The following ATF7IP2 variants were observed in gnomAD, a reference collection of about 807,000 sequenced individuals.
The protein encoded by ATF7IP2 is activating transcription factor 7 interacting protein 2.
A neutral mutation model predicts 64.2 loss-of-function variants in ATF7IP2; 42 were observed. The observed-to-expected ratio is 0.65, with a 90% confidence interval of 0.51 to 0.85. ATF7IP2 has a LOEUF of 0.85. ATF7IP2 is among the 40% of genes least tolerant of loss of function. The pLI, the probability that ATF7IP2 is intolerant of heterozygous loss-of-function variation, is 0.00. For synonymous variants in ATF7IP2, 308 were observed against 272.8 expected (o/e 1.13, Z -1.27); for missense variants, 933 against 784.2 (o/e 1.19, Z -2.27).
chr16:10,417,951 G>A (rs960230093), intron 2 of ATF7IP2, among the ~76,000 whole-genome samples: 21 of 152,284 alleles, frequency 1.4e-4, no homozygotes, highest in African/African-American at 2.4e-5. Flanking sequence ...GGATGTCCAC[G>A]TCGGTCGTGG....
intron 10 of ATF7IP2, among the ~76,000 whole-genome samples, chr16:10,472,902 T>C (rs1224508297): frequency 6.6e-6 from 1 of 151,994 alleles, no homozygotes. Flanking sequence ...CAATGATAAC[T>C]TTTCTCTCTC....
chr16:10,457,616 T>C (rs949874067), intron 9 of ATF7IP2, 87 bp downstream of exon 9: 3 of 987,176 alleles, frequency 3.0e-6, no homozygotes, highest in Middle Eastern at 3.1e-4. Context: ...CTTTGTAATA[T>C]TGATTATTCT....
chr16:10,431,105 G>T lies in ATF7IP2; in HGVS notation c.485G>T (p.Cys162Phe). The T allele has an allele frequency of 6.2e-7, 1 of 1,614,172 alleles. No individual in the cohort carries two copies. Residue 162 changes from cysteine to phenylalanine, a missense_variant, in exon 5 of 14, where the codon TGT becomes TTT. Transcript: ENST00000562102. Reference protein sequence around the residue: ...TRSLFEHEGACSLKSSCCPPS... With the variant: ...TRSLFEHEGAFSLKSSCCPPS... ...TCCCTTTTTGAGCATGAGGGGGCTTGTAGTCTAAAGTCCAGTTGCTGTCCA... is the reference window on the plus strand; with the variant it reads ...TCCCTTTTTGAGCATGAGGGGGCTTTTAGTCTAAAGTCCAGTTGCTGTCCA...
chr16:10,401,361 G>C (rs535003541), intron 1 of ATF7IP2, among the ~76,000 whole-genome samples: 9 of 151,852 alleles, frequency 5.9e-5, no homozygotes, highest in Non-Finnish European at 1.0e-4. Context: ...GTAAAGACAG[G>C]GTTTCACCAT....
intron 1 of ATF7IP2, among the ~76,000 whole-genome samples, chr16:10,410,596 T>G (rs1427249931): frequency 1.3e-5 from 2 of 152,180 alleles, no homozygotes; most frequent in Non-Finnish European, 2.9e-5. Context: ...TGACTTCCTC[T>G]TTATCGATTT....
chr16:10,461,132 AC>A (rs1449836868), intron 9 of ATF7IP2, among the ~76,000 whole-genome samples: 2 of 152,276 alleles, frequency 1.3e-5, no homozygotes, highest in Admixed American at 6.5e-5. Context: ...GCAAATTAAA[AC>A]CACAATGAGA....
intron 9 of ATF7IP2, among the ~76,000 whole-genome samples, chr16:10,466,964 T>G (rs890240127): frequency 4.8e-5 from 7 of 146,578 alleles, no homozygotes; most frequent in Non-Finnish European, 6.0e-5. Flanking sequence ...CAGTCTCTGG[T>G]TTTTTTTTTG....
At chr16:10,405,180 T>C (rs1300593896) in intron 1 of ATF7IP2, among the ~76,000 whole-genome samples, 1 of 151,346 alleles carries the variant, frequency 6.6e-6, no homozygotes, top group Non-Finnish European at 1.5e-5. Flanking sequence ...CTGGCCAACA[T>C]GGTGAAACCC....
chr16:10,437,894 G>C (rs1425251192), intron 6 of ATF7IP2, among the ~76,000 whole-genome samples: 1 of 152,122 alleles, frequency 6.6e-6, no homozygotes. Flanking sequence ...AACATGTCCA[G>C]TATACTTAAA....
intron 13 of ATF7IP2, among the ~76,000 whole-genome samples, 195 bp downstream of exon 13, chr16:10,481,159 C>CT (rs1052646766): frequency 6.6e-6 from 1 of 152,182 alleles, no homozygotes; most frequent in Admixed American, 6.5e-5. Flanking sequence ...AAAACAAATA[C>CT]TTTTTTTATT....
intron 8 of ATF7IP2, among the ~76,000 whole-genome samples, chr16:10,455,376 C>G (rs2049131359): frequency 6.6e-6 from 1 of 152,186 alleles, no homozygotes; most frequent in African/African-American, 2.4e-5. Context: ...AGGAGGGCCT[C>G]AAGTCCAGAA....
At chr16:10,450,528 A>T (rs531730374) in intron 8 of ATF7IP2, among the ~76,000 whole-genome samples, 1 of 152,286 alleles carries the variant, frequency 6.6e-6, no homozygotes, top group Admixed American at 6.5e-5. Context: ...TATTTATGAT[A>T]GTTCTTCTTG....
chr16:10,432,462 G>C (rs578227935), intron 5 of ATF7IP2, among the ~76,000 whole-genome samples: 1 of 152,262 alleles, frequency 6.6e-6, no homozygotes, highest in East Asian at 1.9e-4. Context: ...ATAATAGGCT[G>C]GGTGTGGTGG....
At chr16:10,391,160 A>G (rs961242635) in intron 1 of ATF7IP2, among the ~76,000 whole-genome samples, 1 of 151,376 alleles carries the variant, frequency 6.6e-6, no homozygotes, top group Admixed American at 6.6e-5. Context: ...CTGTCTCAAA[A>G]AAAAAAAAAA....
chr16:10,429,842 A>AT (rs1375764668), intron 4 of ATF7IP2, among the ~76,000 whole-genome samples: 4 of 116,198 alleles, frequency 3.4e-5, no homozygotes, highest in African/African-American at 1.3e-4. Flanking sequence ...GTTTTATTTT[A>AT]TTTTATTTTT....
intron 1 of ATF7IP2, 198 bp downstream of exon 1, chr16:10,386,320 G>A (rs552122703): frequency 6.6e-6 from 1 of 152,438 alleles, no homozygotes; most frequent in South Asian, 2.1e-4. Context: ...CCCCTGAGGG[G>A]CGGACGGGCG....
intron 3 of ATF7IP2, among the ~76,000 whole-genome samples, chr16:10,423,451 G>T (rs1222133562): frequency 6.6e-6 from 1 of 152,120 alleles, no homozygotes; most frequent in Non-Finnish European, 1.5e-5. Context: ...GTTGATATGG[G>T]TGGTGTATTC....
chr16:10,427,737 T>G (rs1296266892), intron 3 of ATF7IP2, among the ~76,000 whole-genome samples: 1 of 151,846 alleles, frequency 6.6e-6, no homozygotes, highest in African/African-American at 2.4e-5. Context: ...TGCATGCCTG[T>G]AATCCCAGCC....
At chr16:10,395,366 C>T (rs1596421978) in intron 1 of ATF7IP2, among the ~76,000 whole-genome samples, 1 of 152,118 alleles carries the variant, frequency 6.6e-6, no homozygotes, top group East Asian at 1.9e-4. Context: ...GTAAATTCTA[C>T]CAAACATTTA....
Sources: gnomAD v4.1 joint callset for allele counts (sites outside exome capture counted in the v4.1 genomes callset) on GRCh38, gnomAD v4.1.1 for gene constraint, MANE v1.5 for transcripts, NCBI Gene and HGNC (gene_info 2026-07-23, HGNC 2026-07-21) for gene names.